CSNK1G1: variants seen among roughly 807,000 people sequenced by gnomAD.
CSNK1G1 encodes casein kinase 1 gamma 1.
Under a neutral mutation model 59.6 loss-of-function variants are expected in CSNK1G1, and 22 were observed. The observed-to-expected ratio is 0.37, with a 90% CI of 0.26 to 0.53. The LOEUF is 0.53. Ranked by LOEUF, CSNK1G1 falls within the 20% of genes least tolerant of loss-of-function variation. The pLI is 0.89. For missense variants in CSNK1G1, 384 were observed against 519.5 expected, an observed-to-expected ratio of 0.74 and a Z score of 2.54; for synonymous variants, 179 against 177.1, an observed-to-expected ratio of 1.01 and a Z score of -0.08.
chr15:64,169,604 A>C lies in CSNK1G1; in HGVS notation c.*2327T>G, dbSNP rs1173679791. Reference sequence around the variant, plus strand: ...TGAGGAAAAGTTAAACTTTCTATACAGTAAGTTAGCAATGCCCAAATCCCA... The same window carrying C: ...TGAGGAAAAGTTAAACTTTCTATACCGTAAGTTAGCAATGCCCAAATCCCA... On this transcript the variant is annotated 3_prime_UTR_variant, in exon 12 of 12. Transcript: ENST00000303052. The C allele has an allele frequency of 6.6e-6, 1 of 152,234 alleles. No homozygotes were observed. The highest frequency in any genetic ancestry group is 1.5e-5 in the Non-Finnish European group (1 of 68,052). 9.4% of individuals were successfully genotyped at this position (152,234 alleles called of 1,614,324 possible). A position where few individuals can be genotyped will look rare whatever the true frequency, so the allele number is the denominator to read the frequency against.
intron 1 of CSNK1G1, among the ~76,000 whole-genome samples, chr15:64,345,863 C>T (rs1450380326): frequency 6.6e-6 from 1 of 152,122 alleles, no homozygotes; most frequent in Non-Finnish European, 1.5e-5. Flanking sequence ...ACAATCTCGG[C>T]TCACTGCAAC....
chr15:64,209,649 T>C (rs1025205467), intron 6 of CSNK1G1, among the ~76,000 whole-genome samples: 5 of 151,758 alleles, frequency 3.3e-5, no homozygotes, highest in African/African-American at 4.8e-5. Flanking sequence ...AAAATATTCA[T>C]AATTGAAAAA....
chr15:64,322,540 C>G (rs1015018429), intron 1 of CSNK1G1, among the ~76,000 whole-genome samples: 6 of 152,134 alleles, frequency 3.9e-5, no homozygotes, highest in African/African-American at 1.4e-4. Flanking sequence ...ACAGGCCAGG[C>G]ATGGTGGCTC....
chr15:64,204,729 A>T, intron 8 of CSNK1G1, 136 bp downstream of exon 8: 1 of 1,181,450 alleles, frequency 8.5e-7, no homozygotes, highest in Non-Finnish European at 1.2e-6. Context: ...AATAAAAGTG[A>T]TAAAACCTAC....
In CSNK1G1 at chr15:64,216,823, T is replaced by C; in HGVS notation, c.293-110A>G. On this transcript the variant is annotated intron_variant, in intron 4 of 11. Coordinates refer to ENST00000303052, the MANE Select transcript of CSNK1G1 (RefSeq NM_022048.5). The surrounding 1 kb of genome is among the most constrained non-coding windows in gnomAD (Gnocchi z 4.6). ...ATTTTTAAAAGTACAATTTGTGAGA[T>C]TTCCATTTTCTTTCATAGTCCCTAC... 1 of 1,058,550 alleles carries C rather than the reference T, an allele frequency of 9.4e-7. No homozygotes were observed. Among genetic ancestry groups the C allele is most frequent in the South Asian group, 1.9e-5 (1 of 52,376 alleles). 65.6% of individuals were successfully genotyped at this position (1,058,550 alleles called of 1,614,324 possible).
At chr15:64,278,949 A>T (rs796934012) in intron 2 of CSNK1G1, among the ~76,000 whole-genome samples, 1 of 152,164 alleles carries the variant, frequency 6.6e-6, no homozygotes, top group Non-Finnish European at 1.5e-5. Flanking sequence ...ACAATTTCCT[A>T]AAGGGTCTGG....
rs1452780210 is a variant in CSNK1G1 at position 64,204,480 on chromosome 15, G to A, written c.960C>T (p.Tyr320=). Residue 320 remains tyrosine (Y), a synonymous_variant, in exon 9 of 12, where the codon TAC becomes TAT. Coordinates refer to ENST00000303052, the MANE Select transcript of CSNK1G1 (RefSeq NM_022048.5). ...CCCAATCATAGGCATAGTCAAAGGT[G>A]TAGCCTTTCTTTTCAAAGAGGTCTG... ...LFTDLFEKKG[Y]TFDYAYDWVG... is the part of the protein sequence containing the mutation. 6.2e-7 allele frequency: 1 copy of A among 1,611,654 alleles called. No homozygotes were observed. Among genetic ancestry groups the A allele is most frequent in the African/African-American group, 1.3e-5 (1 of 74,700 alleles).
In CSNK1G1 at chr15:64,205,455, A is replaced by G. The variant is rs1035087029; in HGVS notation, c.766-506T>C. Among the ~76,000 whole-genome samples the G allele has an allele frequency of 2.0e-5, 3 of 152,110 alleles. No individual in the cohort carries two copies. The South Asian group carries it at 6.2e-4, about 31-fold the overall frequency. On this transcript the variant is annotated intron_variant, in intron 7 of 11. Transcript: ENST00000303052. ...TCAACAATGTGCTTCCAGAGGGAAA[A>G]AAGTTGTCTATGGTACAGCCATGGC...
At chr15:64,334,132 T>C (rs1897256067) in intron 1 of CSNK1G1, among the ~76,000 whole-genome samples, 1 of 152,194 alleles carries the variant, frequency 6.6e-6, no homozygotes, top group Non-Finnish European at 1.5e-5. Flanking sequence ...GTCTTCTCAT[T>C]ACCACATGAA....
rs988780393 is a variant in CSNK1G1 at position 64,188,378 on chromosome 15, C to A, written c.1108-7924G>T. 3.3e-6 allele frequency: 5 copies of A among 1,535,370 alleles called. No individual in the cohort carries two copies. The highest frequency in any genetic ancestry group is 4.4e-6 in the Non-Finnish European group (5 of 1,146,296). On this transcript the variant is annotated intron_variant, in intron 10 of 11. Transcript: ENST00000303052. The surrounding 1 kb of genome is among the most constrained non-coding windows in gnomAD (Gnocchi z 4.2). ...AGGCAATAAAGGCAGTAAATACCTGCACTGATCCCCCATGGCGGTCTGCAG... is the reference window on the plus strand; with the variant it reads ...AGGCAATAAAGGCAGTAAATACCTGAACTGATCCCCCATGGCGGTCTGCAG...
At chr15:64,250,639 G>T (rs545374747) in intron 4 of CSNK1G1, among the ~76,000 whole-genome samples, 1 of 152,296 alleles carries the variant, frequency 6.6e-6, no homozygotes, top group African/African-American at 2.4e-5. Flanking sequence ...CAGCTACTCA[G>T]GAGGCTGAGG....
rs1231869995 is a variant in CSNK1G1, at chr15:64,166,986, A to G, written c.*4945T>C. ...GGTAATCAAACTAGAAATACAAGGA[A>G]TACGTGTTCACTTTTTCCCTTGAAA... On this transcript the variant is annotated 3_prime_UTR_variant, in exon 12 of 12. Transcript: ENST00000303052. The surrounding 1 kb of genome is among the most constrained non-coding windows in gnomAD (Gnocchi z 4.5). The G allele has an allele frequency of 6.6e-6, 1 of 152,284 alleles. No homozygotes were observed. Among genetic ancestry groups the G allele is most frequent in the African/African-American group, 2.4e-5 (1 of 41,468 alleles). 9.4% of individuals were successfully genotyped at this position (152,284 alleles called of 1,614,324 possible). A position where few individuals can be genotyped will look rare whatever the true frequency, so the allele number is the denominator to read the frequency against.
intron 4 of CSNK1G1, among the ~76,000 whole-genome samples, chr15:64,220,501 C>CTTTTTTTTTTTTTTTTT (rs58347087): frequency 7.1e-6 from 1 of 140,272 alleles, no homozygotes. Context: ...GTGTATAACT[C>CTTTTTTTTTTTTTTTTT]TTTTTTTTTT....
chr15:64,268,991 T>A (rs1247124511), intron 2 of CSNK1G1, among the ~76,000 whole-genome samples: 3 of 152,166 alleles, frequency 2.0e-5, no homozygotes, highest in Non-Finnish European at 4.4e-5. Context: ...ATATTCTCCT[T>A]ACCATTTTTG....
intron 10 of CSNK1G1, among the ~76,000 whole-genome samples, chr15:64,194,643 A>G (rs2082017586): frequency 6.6e-6 from 1 of 151,482 alleles, no homozygotes; most frequent in Non-Finnish European, 1.5e-5. Flanking sequence ...CAGCCTCCCA[A>G]GTAGCTGGGA....
chr15:64,325,504 C>A (rs552616328), intron 1 of CSNK1G1, among the ~76,000 whole-genome samples: 1 of 152,008 alleles, frequency 6.6e-6, no homozygotes, highest in Non-Finnish European at 1.5e-5. Flanking sequence ...AACTCATAGC[C>A]CCAGAATCAC....
intron 1 of CSNK1G1, among the ~76,000 whole-genome samples, chr15:64,343,208 A>AACCCACACACACACACACACACAC (rs1897764869): frequency 9.1e-6 from 1 of 109,956 alleles, no homozygotes; most frequent in Non-Finnish European, 1.9e-5. Flanking sequence ...GCAAAACTCC[A>AACCCACACACACACACACACACAC]ACACACACAC....
intron 10 of CSNK1G1, among the ~76,000 whole-genome samples, chr15:64,201,097 C>T (rs1476054468): frequency 5.3e-5 from 8 of 151,640 alleles, no homozygotes; most frequent in Non-Finnish European, 1.0e-4. Context: ...CATGGCGAAA[C>T]CTCATCTCTA....
At position 64,200,939 on chromosome 15, in the gene CSNK1G1, G is replaced by A. The variant is rs1293240105; in HGVS notation, c.1107+2143C>T. Among the ~76,000 whole-genome samples the A allele has an allele frequency of 2.6e-5, 4 of 152,146 alleles. No individual in the cohort carries two copies. Among genetic ancestry groups the A allele is most frequent in the Non-Finnish European group, 5.9e-5 (4 of 68,024 alleles). On this transcript the variant is annotated intron_variant, in intron 10 of 11. Transcript: ENST00000303052. This position sits in a 1 kb window ranked among gnomAD's most constrained non-coding sequence, Gnocchi z 4.3. ...GAGTGGTTTTATTGATTGATTTCAA[G>A]AAGTAAGGTATTTCATCAGAGAAGA...
Sources: gnomAD v4.1 joint callset for allele counts (sites outside exome capture counted in the v4.1 genomes callset) on GRCh38, gnomAD v4.1.1 for gene constraint, Gnocchi (gnomAD v3.1) non-coding constraint, MANE v1.5 for transcripts, NCBI Gene and HGNC (gene_info 2026-07-23, HGNC 2026-07-21) for gene names.